Variants in EVI5 observed in about 807,000 individuals in gnomAD.
EVI5 encodes the protein ecotropic viral integration site 5.
EVI5 carries 73 observed loss-of-function variants against 112.0 expected under a neutral mutation model. That is an observed-to-expected ratio of 0.65 (90% confidence interval 0.54 to 0.79). The LOEUF (loss-of-function observed/expected upper bound fraction) is 0.79, where lower values mean the gene tolerates loss of function less well. Ranked by LOEUF, EVI5 falls within the 30% of genes least tolerant of loss-of-function variation. The pLI, the probability that EVI5 is intolerant of heterozygous loss-of-function variation, is 0.00. For synonymous variants in EVI5, 305 were observed against 319.9 expected (o/e 0.95, Z 0.50); for missense variants, 900 against 968.8 (o/e 0.93, Z 0.94).
intron 19 of EVI5, among the ~76,000 whole-genome samples, chr1:92,521,987 A>T (rs960099659): frequency 2.0e-5 from 3 of 152,222 alleles, no homozygotes; most frequent in Non-Finnish European, 2.9e-5. Context: ...CTCTAACCTT[A>T]TTGACTTTTC....
intron 9 of EVI5, among the ~76,000 whole-genome samples, chr1:92,680,100 C>A (rs1421049784): frequency 6.6e-6 from 1 of 152,170 alleles, no homozygotes; most frequent in Admixed American, 6.5e-5. Flanking sequence ...TCAATATTTT[C>A]TATACACTAT....
At chr1:92,625,660 A>G (rs930514429) in intron 15 of EVI5, 134 bp downstream of exon 15, 63 of 639,212 alleles carry the variant, frequency 9.9e-5, no homozygotes, top group Admixed American at 2.4e-4. Flanking sequence ...AAATACTCTC[A>G]ATTTTGACAT....
chr1:92,646,071 G>A (rs1660903002), intron 13 of EVI5, among the ~76,000 whole-genome samples: 1 of 152,120 alleles, frequency 6.6e-6, no homozygotes, highest in Non-Finnish European at 1.5e-5. Flanking sequence ...GACTTTACAC[G>A]TTCTCCCATA....
rs1400252020 is a variant in EVI5, at chr1:92,547,112, A to G, written c.2166+16530T>C. ...CATAGTTGGAACTAAAGCACTCCTCAGCAAATGTAAAAGAATAGAAATTAT... is the reference window on the plus strand; with the variant it reads ...CATAGTTGGAACTAAAGCACTCCTCGGCAAATGTAAAAGAATAGAAATTAT... On this transcript the variant is annotated intron_variant, in intron 19 of 19. Coordinates refer to ENST00000684568, the MANE Select transcript of EVI5 (RefSeq NM_001350197.2). Among the ~76,000 whole-genome samples the G allele has an allele frequency of 2.0e-5, 3 of 152,236 alleles. No individual in the cohort carries two copies. The South Asian group carries it at 6.2e-4, about 31-fold the overall frequency.
In EVI5 at chr1:92,513,551, ATATATATATATATATGTAC is replaced by A; in HGVS notation, c.*86_*104del. On this transcript the variant is annotated 3_prime_UTR_variant, in exon 20 of 20. Coordinates refer to ENST00000684568, the MANE Select transcript of EVI5 (RefSeq NM_001350197.2). ...TATATATATATATATATATATATAT[ATATATATATATATATGTAC>A]ATATGAAACAAATTATTTCCAAAAA... The A allele has an allele frequency of 8.0e-5, 1 of 12,486 alleles. No homozygotes were observed. The highest frequency in any genetic ancestry group is 1.2e-3 in the African/African-American group (1 of 810). 0.8% of individuals were successfully genotyped at this position (12,486 alleles called of 1,614,324 possible).
chr1:92,717,590 A>G (rs928388178), intron 2 of EVI5, among the ~76,000 whole-genome samples: 1 of 152,238 alleles, frequency 6.6e-6, no homozygotes, highest in African/African-American at 2.4e-5. Flanking sequence ...CTGCAAAAAC[A>G]TGACAAACTG....
intron 16 of EVI5, among the ~76,000 whole-genome samples, chr1:92,618,340 C>T (rs1164433795): frequency 6.6e-6 from 1 of 152,056 alleles, no homozygotes; most frequent in African/African-American, 2.4e-5. Context: ...CCAGAAGACA[C>T]AACAACGACT....
At chr1:92,676,384 T>C (rs1666747083) in intron 10 of EVI5, among the ~76,000 whole-genome samples, 2 of 151,188 alleles carry the variant, frequency 1.3e-5, no homozygotes, top group Non-Finnish European at 2.9e-5. Flanking sequence ...CTAAAATTAT[T>C]TTACTTTTAA....
At chr1:92,596,303 T>C (rs941042162) in intron 18 of EVI5, among the ~76,000 whole-genome samples, 1 of 152,188 alleles carries the variant, frequency 6.6e-6, no homozygotes, top group Non-Finnish European at 1.5e-5. Flanking sequence ...GAGGTTACAA[T>C]GAGCCGTGAC....
intron 19 of EVI5, among the ~76,000 whole-genome samples, chr1:92,549,429 T>C (rs1197768725): frequency 2.0e-5 from 3 of 151,880 alleles, no homozygotes; most frequent in East Asian, 3.9e-4. Context: ...ATTCAGGACA[T>C]AGGCATGGGC....
In EVI5 at chr1:92,761,057, C is replaced by CAAA. The variant is rs35833050; in HGVS notation, c.-82+23776_-82+23778dup. ...CGGGCAACACAGCGAGGCTCCATCT[C>CAAA]AAAAAAAAAAAAAAAAAAAGAATTA... On this transcript the variant is annotated intron_variant, in intron 1 of 19. Transcript: ENST00000684568. 6.3e-3 allele frequency among the ~76,000 whole-genome samples: 665 copies of CAAA among 106,020 alleles called. 17 individuals are homozygous for CAAA. The highest frequency in any genetic ancestry group is 0.024 in the African/African-American group (615 of 25,716). 69.6% of individuals were successfully genotyped at this position (106,020 alleles called of 152,430 possible). A position where few individuals can be genotyped will look rare whatever the true frequency, so the allele number is the denominator to read the frequency against.
At chr1:92,751,830 G>T (rs1417173134) in intron 1 of EVI5, among the ~76,000 whole-genome samples, 1 of 151,972 alleles carries the variant, frequency 6.6e-6, no homozygotes, top group African/African-American at 2.4e-5. Context: ...TAGGCAACAT[G>T]GTGAAACCCC....
At chr1:92,586,046 A>G (rs1672724723) in intron 18 of EVI5, among the ~76,000 whole-genome samples, 1 of 152,146 alleles carries the variant, frequency 6.6e-6, no homozygotes, top group Non-Finnish European at 1.5e-5. Flanking sequence ...TAGTTTTCTC[A>G]TGGTAAGACT....
Position 92,700,947 on chromosome 1 carries a change from T to A in EVI5, c.639+1194A>T, listed in dbSNP as rs1013925499. ...ACTGCGCAAAGCTGGAAAATCATAATTTTGTTAAACAACTATACCTTAACA... is the reference window on the plus strand; with the variant it reads ...ACTGCGCAAAGCTGGAAAATCATAAATTTGTTAAACAACTATACCTTAACA... On this transcript the variant is annotated intron_variant, in intron 5 of 19. Transcript: ENST00000684568. 2.0e-4 allele frequency: 31 copies of A among 152,216 alleles called. 1 individual carries two copies. The highest frequency in any genetic ancestry group is 1.3e-4 in the Admixed American group (2 of 15,280). The allele number at this position is 152,216 out of a possible 1,614,324, so 9.4% of individuals were successfully genotyped here.
chr1:92,597,496 C>T (rs1648177059), intron 18 of EVI5, among the ~76,000 whole-genome samples: 1 of 152,184 alleles, frequency 6.6e-6, no homozygotes, highest in Non-Finnish European at 1.5e-5. Flanking sequence ...GTCACTCCTA[C>T]TCTGTAATGG....
intron 19 of EVI5, among the ~76,000 whole-genome samples, chr1:92,529,720 T>C (rs754107715): frequency 2.6e-5 from 4 of 152,228 alleles, no homozygotes; most frequent in Middle Eastern, 3.4e-3. Flanking sequence ...AATAACAAAA[T>C]AAAAACAAAC....
chr1:92,580,943 CT>C (rs1184346484), intron 18 of EVI5: 1 of 152,086 alleles, frequency 6.6e-6, no homozygotes, highest in Non-Finnish European at 1.5e-5. Flanking sequence ...TGTAATTCTT[CT>C]TATCCTTGAA....
At chr1:92,665,837 A>G (rs970678124) in intron 11 of EVI5, 102 bp downstream of exon 11, 9 of 749,248 alleles carry the variant, frequency 1.2e-5, no homozygotes, top group Non-Finnish European at 1.8e-5. Flanking sequence ...TCAATACTAC[A>G]ACATAGGAGA....
intron 2 of EVI5, among the ~76,000 whole-genome samples, chr1:92,728,378 C>CT (rs1675934035): frequency 7.0e-5 from 2 of 28,404 alleles, no homozygotes; most frequent in Admixed American, 4.7e-4. Context: ...GCCATGGTTT[C>CT]TTTTTTTTCT....
Sources: allele counts gnomAD v4.1 joint callset (sites outside exome capture counted in the v4.1 genomes callset), GRCh38; gene constraint gnomAD v4.1.1; transcripts MANE v1.5; gene names NCBI Gene and HGNC (gene_info 2026-07-23, HGNC 2026-07-21).